Variants in HHAT observed in about 807,000 individuals in gnomAD.
HHAT encodes hedgehog acyltransferase.
In HHAT, 47 loss-of-function variants were observed where a neutral mutation model predicts 70.8. The observed-to-expected ratio is 0.66, with a 90% CI of 0.53 to 0.85. HHAT has a LOEUF of 0.85. Among genes scored for constraint, HHAT ranks in the 40% least tolerant of loss-of-function variants. The pLI, the probability that HHAT is intolerant of heterozygous loss-of-function variation, is 0.00. For synonymous variants in HHAT, 228 were observed against 247.6 expected (o/e 0.92, Z 0.74); for missense variants, 609 against 604.8 (o/e 1.01, Z -0.07).
chr1:210,434,761 A>G (rs950830706), intron 7 of HHAT, among the ~76,000 whole-genome samples: 1 of 151,798 alleles, frequency 6.6e-6, no homozygotes. Context: ...ATGAAGAGAA[A>G]TACTAGCTAA....
chr1:210,396,337 C>T (rs2091785753), intron 4 of HHAT, among the ~76,000 whole-genome samples: 1 of 152,106 alleles, frequency 6.6e-6, no homozygotes, highest in South Asian at 2.1e-4. Context: ...GTCACTCATG[C>T]TTTGATACCT....
At chr1:210,362,771 A>G in intron 2 of HHAT, 81 bp from the exon 3 acceptor site, 6 of 1,164,074 alleles carry the variant, frequency 5.2e-6, no homozygotes, top group South Asian at 1.2e-5. Flanking sequence ...ACATAGTCCA[A>G]TTCTTTCAGT....
At chr1:210,405,818 TC>T (rs920317010) in intron 6 of HHAT, among the ~76,000 whole-genome samples, 2 of 152,244 alleles carry the variant, frequency 1.3e-5, no homozygotes, top group Non-Finnish European at 2.9e-5. Context: ...GTCTATGGTT[TC>T]TCATACCTCG....
chr1:210,477,626 GTAGGCATTCCATTTCTGGGA>G (rs1230835709), intron 8 of HHAT, among the ~76,000 whole-genome samples: 2 of 152,232 alleles, frequency 1.3e-5, no homozygotes, highest in Admixed American at 1.3e-4. Context: ...ACAAGTTCAA[GTAGGCATTCCATTTCTGGGA>G]AACTTGCTAG....
upstream of HHAT, chr1:210,328,371 C>T (rs2084700744): frequency 6.6e-6 from 1 of 152,226 alleles, no homozygotes; most frequent in South Asian, 2.1e-4. Flanking sequence ...ACCCATTTTG[C>T]AGTAGTGATC....
intron 8 of HHAT, among the ~76,000 whole-genome samples, chr1:210,494,181 G>C (rs750043677): frequency 6.6e-6 from 1 of 152,126 alleles, no homozygotes; most frequent in Non-Finnish European, 1.5e-5. Flanking sequence ...GTAAAGACTT[G>C]GGCTGTTCCT....
intron 9 of HHAT, among the ~76,000 whole-genome samples, chr1:210,570,615 G>A (rs1473596425): frequency 3.3e-5 from 5 of 152,166 alleles, no homozygotes; most frequent in Non-Finnish European, 7.3e-5. Flanking sequence ...CAGAAGGATA[G>A]GCATCAGGCT....
chr1:210,387,898 G>C (rs1341440570), intron 4 of HHAT, among the ~76,000 whole-genome samples: 1 of 152,192 alleles, frequency 6.6e-6, no homozygotes, highest in Non-Finnish European at 1.5e-5. Context: ...ATCTGGATGA[G>C]TTCACTTGCA....
intron 8 of HHAT, among the ~76,000 whole-genome samples, chr1:210,470,491 T>C (rs1007899321): frequency 1.3e-5 from 2 of 152,198 alleles, no homozygotes; most frequent in African/African-American, 4.8e-5. Flanking sequence ...AAATCCCCTT[T>C]CCTTTTCCTT....
At chr1:210,585,271 A>T (rs1660184067) in intron 9 of HHAT, among the ~76,000 whole-genome samples, 1 of 152,208 alleles carries the variant, frequency 6.6e-6, no homozygotes, top group Non-Finnish European at 1.5e-5. Context: ...GTGATCAAAT[A>T]ATTTATTATC....
rs575562863 is a variant in HHAT, at chr1:210,537,029, T to TA, written c.1043+23852dup. Reference sequence around the variant, plus strand: ...TTTGAACTGTACCTAAAAGAAGGTGTAAAAAAAAAAAGGTGGCTATAGGGC... The same window carrying TA: ...TTTGAACTGTACCTAAAAGAAGGTGTAAAAAAAAAAAAGGTGGCTATAGGGC... On this transcript the variant is annotated intron_variant, in intron 9 of 11. Transcript: ENST00000261458. Among the ~76,000 whole-genome samples, 296 of 144,164 alleles carry TA rather than the reference T, an allele frequency of 2.1e-3. 3 individuals carry two copies. Among genetic ancestry groups the TA allele is most frequent in the South Asian group, 4.2e-3 (19 of 4,538 alleles). 94.6% of individuals were successfully genotyped at this position (144,164 alleles called of 152,430 possible).
intron 9 of HHAT, among the ~76,000 whole-genome samples, chr1:210,569,512 T>G (rs1211949577): frequency 6.6e-6 from 1 of 152,096 alleles, no homozygotes; most frequent in Non-Finnish European, 1.5e-5. Flanking sequence ...GGATTTTCCA[T>G]TGTAATGTAC....
intron 7 of HHAT, among the ~76,000 whole-genome samples, chr1:210,461,673 AAC>A (rs1456969437): frequency 1.3e-5 from 2 of 152,222 alleles, no homozygotes; most frequent in African/African-American, 4.8e-5. Flanking sequence ...CCATGGTACA[AAC>A]ACAATTTTTA....
chr1:210,513,499 G>A (rs960781687), intron 9 of HHAT, among the ~76,000 whole-genome samples: 1 of 152,178 alleles, frequency 6.6e-6, no homozygotes, highest in African/African-American at 2.4e-5. Flanking sequence ...GTATTCAGAC[G>A]TTAAACAACC....
At chr1:210,451,186 G>A (rs1286429879) in intron 7 of HHAT, among the ~76,000 whole-genome samples, 2 of 152,092 alleles carry the variant, frequency 1.3e-5, no homozygotes, top group Non-Finnish European at 2.9e-5. Flanking sequence ...TCTCTGGTAG[G>A]GAGTATTAGA....
chr1:210,498,105 G>C (rs572153594), intron 8 of HHAT, among the ~76,000 whole-genome samples: 34 of 151,912 alleles, frequency 2.2e-4, no homozygotes, highest in South Asian at 1.9e-3. Flanking sequence ...CAACTTCTGT[G>C]GTCAGGGACT....
intron 2 of HHAT, among the ~76,000 whole-genome samples, chr1:210,359,308 G>A (rs1464383885): frequency 6.6e-6 from 1 of 152,138 alleles, no homozygotes; most frequent in African/African-American, 2.4e-5. Flanking sequence ...GCCTTTGTAG[G>A]ACTAACAAAT....
At chr1:210,346,145 T>G (rs1380390859) in intron 1 of HHAT, among the ~76,000 whole-genome samples, 1 of 151,976 alleles carries the variant, frequency 6.6e-6, no homozygotes, top group Non-Finnish European at 1.5e-5. Context: ...GATTAAATCC[T>G]TAATGCAGGA....
chr1:210,655,410 C>G (rs55848230), intron 11 of HHAT, among the ~76,000 whole-genome samples: 4,267 of 152,288 alleles, frequency 0.028, 208 homozygotes, highest in African/African-American at 0.098. Flanking sequence ...GTGTTTGATT[C>G]TGAGCAGATC....
Sources: allele counts gnomAD v4.1 joint callset (sites outside exome capture counted in the v4.1 genomes callset), GRCh38; gene constraint gnomAD v4.1.1; transcripts MANE v1.5; gene names NCBI Gene and HGNC (gene_info 2026-07-23, HGNC 2026-07-21).